The following AKAP9 variants were observed in gnomAD, a reference collection of about 807,000 sequenced individuals.
AKAP9 encodes A-kinase anchoring protein 9, also known as A-kinase anchor protein 9.
In AKAP9, 311 loss-of-function variants were observed where a neutral mutation model predicts 488.5. The observed-to-expected ratio is 0.64, with a 90% CI of 0.58 to 0.70. The LOEUF (loss-of-function observed/expected upper bound fraction) is 0.70. AKAP9 is among the 30% of genes least tolerant of loss of function. The pLI is 0.00. For missense variants in AKAP9, 4,215 were observed against 4,374.5 expected (o/e 0.96, Z 1.03); for synonymous variants, 1,462 against 1,483.5 (o/e 0.99, Z 0.33).
intron 8 of AKAP9, among the ~76,000 whole-genome samples, chr7:92,007,299 T>C (rs113387546): frequency 7.2e-6 from 1 of 138,436 alleles, no homozygotes; most frequent in African/African-American, 2.7e-5. Context: ...TTTTTTTTTT[T>C]TTTTTTTTTT....
intron 21 of AKAP9, among the ~76,000 whole-genome samples, chr7:92,049,062 C>T (rs1563048255): frequency 6.6e-6 from 1 of 152,138 alleles, no homozygotes; most frequent in Non-Finnish European, 1.5e-5. Flanking sequence ...ATCACATTGC[C>T]TATCCCACTT....
At chr7:91,965,125 A>G (rs1422674400) in intron 1 of AKAP9, among the ~76,000 whole-genome samples, 1 of 152,112 alleles carries the variant, frequency 6.6e-6, no homozygotes, top group Non-Finnish European at 1.5e-5. Flanking sequence ...AATCTATCAA[A>G]CACTAGGTTT....
chr7:92,047,157 A>G (rs1807143701), intron 21 of AKAP9, among the ~76,000 whole-genome samples: 1 of 152,200 alleles, frequency 6.6e-6, no homozygotes, highest in Non-Finnish European at 1.5e-5. Flanking sequence ...GCATAAGTGT[A>G]TCTAAATCTT....
At chr7:92,073,431 G>A (rs1008920086) in intron 28 of AKAP9, among the ~76,000 whole-genome samples, 1 of 151,580 alleles carries the variant, frequency 6.6e-6, no homozygotes. Flanking sequence ...CTGTGAACCC[G>A]GGAGGCAGAG....
At chr7:92,020,542 C>G (rs1415014578) in intron 12 of AKAP9, among the ~76,000 whole-genome samples, 7 of 152,148 alleles carry the variant, frequency 4.6e-5, no homozygotes, top group Non-Finnish European at 1.5e-5. Context: ...GTCCTTCTTC[C>G]ATGTTCCTGT....
Position 92,065,463 on chromosome 7 carries a change from T to A in AKAP9, c.6210T>A (p.Asp2070Glu). ...TAGAAAAAATGAGAAAATTTTTAGA[T>A]GTAAGTATTCTCAAGTTGAATACTG... Reference protein sequence around the residue: ...KQLEKMRKFLDEQAIDREHER... With the variant: ...KQLEKMRKFLEEQAIDREHER... Residue 2070 changes from aspartate to glutamate, a missense_variant and splice_region_variant, in exon 25 of 50, where the codon GAT becomes GAA. Asp to Glu is a conservative substitution (Grantham distance 45). Around this residue, in one of 5 missense-constraint regions of AKAP9, gnomAD observed 2,361 missense variants for 2,430.0 expected, o/e 0.97. Coordinates refer to ENST00000356239, the MANE Select transcript of AKAP9 (RefSeq NM_005751.5). 6.3e-7 allele frequency: 1 copy of A among 1,598,518 alleles called. No individual in the cohort carries two copies. The highest frequency in any genetic ancestry group is 8.6e-7 in the Non-Finnish European group (1 of 1,167,012).
At chr7:92,036,872 G>A (rs919116435) in intron 16 of AKAP9, among the ~76,000 whole-genome samples, 1 of 152,130 alleles carries the variant, frequency 6.6e-6, no homozygotes, top group Non-Finnish European at 1.5e-5. Flanking sequence ...GCCGTAATGG[G>A]TATATGTTCC....
Position 92,042,759 on chromosome 7 carries a change from T to C in AKAP9, c.5150T>C (p.Leu1717Ser), listed in dbSNP as rs1358778741. Reference protein sequence around the residue: ...RKPEDVPPEILSNERYALQKA... With the variant: ...RKPEDVPPEISSNERYALQKA... ...CCTGAAGATGTGCCTCCTGAGATTT[T>C]GTCTAATGAAAGGTATACAAAATGT... Residue 1717 changes from leucine to serine, a missense_variant, in exon 20 of 50, where the codon TTG becomes TCG. Physicochemically the swap from Leu to Ser is moderately radical, Grantham distance 145. Coordinates refer to ENST00000356239, the MANE Select transcript of AKAP9 (RefSeq NM_005751.5). 1 of 1,608,514 alleles carries C rather than the reference T, an allele frequency of 6.2e-7. No individual in the cohort carries two copies. The highest frequency in any genetic ancestry group is 1.3e-5 in the African/African-American group (1 of 74,800).
chr7:91,990,812 A>G (rs1280976622), intron 3 of AKAP9, among the ~76,000 whole-genome samples: 1 of 152,224 alleles, frequency 6.6e-6, no homozygotes, highest in African/African-American at 2.4e-5. Context: ...GTAGTCCCCC[A>G]TCCCTGTTTT....
Position 91,941,006 on chromosome 7 carries a change from A to G in AKAP9, c.-94A>G. On this transcript the variant is annotated 5_prime_UTR_variant, in exon 1 of 50. Coordinates refer to ENST00000356239, the MANE Select transcript of AKAP9 (RefSeq NM_005751.5). ...ACCGAATCGGCTCTCTAGGCCGTGGAGCTTGCCGTCCCACCTCCGTCCAAA... is the reference window on the plus strand; with the variant it reads ...ACCGAATCGGCTCTCTAGGCCGTGGGGCTTGCCGTCCCACCTCCGTCCAAA... The G allele has an allele frequency of 7.6e-7, 1 of 1,309,422 alleles. No homozygotes were observed. Among genetic ancestry groups the G allele is most frequent in the Non-Finnish European group, 1.1e-6 (1 of 902,228 alleles). 81.1% of individuals were successfully genotyped at this position (1,309,422 alleles called of 1,614,324 possible).
intron 1 of AKAP9, among the ~76,000 whole-genome samples, chr7:91,959,883 T>C (rs1793519459): frequency 6.6e-6 from 1 of 152,226 alleles, no homozygotes; most frequent in African/African-American, 2.4e-5. Flanking sequence ...TATTTAAGAA[T>C]ACTTTAAAGC....
intron 26 of AKAP9, among the ~76,000 whole-genome samples, chr7:92,068,722 C>CT (rs530373940): frequency 3.3e-5 from 5 of 150,456 alleles, no homozygotes; most frequent in South Asian, 4.2e-4. Flanking sequence ...TTTTTTTTTC[C>CT]TTTTTTTTCT....
Position 92,062,415 on chromosome 7 carries a change from T to C in AKAP9, c.5906T>C (p.Ile1969Thr). The stretch of plus-strand genomic sequence containing the variant: ...GAATTGGAGGCAGAGCAACAGCAGA[T>C]CCAAGAAGAAAGAGAATTACTGTCC... ...LQELEAEQQQ[I>T]QEERELLSRQ... The change falls in exon 24 of 50, where the codon ATC (isoleucine) becomes ACC (threonine). Residue 1969 changes from isoleucine to threonine, a missense_variant. Ile to Thr is a moderately conservative substitution (Grantham distance 89). This residue lies in a region of AKAP9 where 2,361 missense variants were observed against 2,430.0 expected (regional missense o/e 0.97). Coordinates refer to ENST00000356239, the MANE Select transcript of AKAP9 (RefSeq NM_005751.5). 6.2e-7 allele frequency: 1 copy of C among 1,613,802 alleles called. No individual in the cohort carries two copies. The highest frequency in any genetic ancestry group is 1.7e-5 in the Admixed American group (1 of 59,982).
chr7:92,099,893 A>C, intron 44 of AKAP9, 24 bp downstream of exon 44: 1 of 1,607,614 alleles, frequency 6.2e-7, no homozygotes, highest in Non-Finnish European at 8.5e-7. Flanking sequence ...TAGCATCTCC[A>C]TATATGAGAA....
intron 3 of AKAP9, among the ~76,000 whole-genome samples, chr7:91,985,303 A>C (rs1796930361): frequency 6.6e-6 from 1 of 152,150 alleles, no homozygotes. Flanking sequence ...TACCTAGTTT[A>C]TTGAGAGTTT....
chr7:92,097,997 T>G, intron 42 of AKAP9, 112 bp from the exon 43 acceptor site: 1 of 868,568 alleles, frequency 1.2e-6, no homozygotes, highest in Non-Finnish European at 1.9e-6. Context: ...AAGCATGGGA[T>G]ATAAGGGAGA....
chr7:92,105,149 C>T lies in AKAP9; in HGVS notation c.11331-529C>T, dbSNP rs535147732. On this transcript the variant is annotated intron_variant, in intron 46 of 49. Transcript: ENST00000356239. The stretch of plus-strand genomic sequence containing the variant: ...CTTGGGCCAAGATGGGGAAGAAGGT[C>T]GTAACTTGCTGCACCTGGGTCATGA... 6.6e-5 allele frequency among the ~76,000 whole-genome samples: 10 copies of T among 152,224 alleles called. No individual in the cohort carries two copies. In the South Asian group the frequency reaches 1.0e-3, roughly 16 times the overall value.
chr7:92,028,359 G>T (rs1054468451), intron 14 of AKAP9, among the ~76,000 whole-genome samples: 9 of 146,506 alleles, frequency 6.1e-5, no homozygotes, highest in Admixed American at 4.8e-4. Context: ...GTACTTTTTG[G>T]AGTTTAGATC....
rs1325142023 is a variant in AKAP9, at chr7:92,001,751, G to C, written c.1834G>C (p.Asp612His). 6.2e-7 allele frequency: 1 copy of C among 1,613,294 alleles called. No individual in the cohort carries two copies. The highest frequency in any genetic ancestry group is 1.1e-5 in the South Asian group (1 of 91,046). ...MLEKEKNAVL[D>H]RMAESQEAEL... The stretch of plus-strand genomic sequence containing the variant: ...AGAAAAAGAAAAGAATGCTGTGTTA[G>C]ACAGAATGGCTGAATCACAAGAAGC... Residue 612 changes from aspartate to histidine, a missense_variant, in exon 8 of 50, where the codon GAC becomes CAC. Coordinates refer to ENST00000356239, the MANE Select transcript of AKAP9 (RefSeq NM_005751.5).
Sources: allele counts gnomAD v4.1 joint callset (sites outside exome capture counted in the v4.1 genomes callset), GRCh38; gene constraint gnomAD v4.1.1; regional missense constraint gnomAD v4.1.1; transcripts MANE v1.5; gene names NCBI Gene and HGNC (gene_info 2026-07-23, HGNC 2026-07-21).